ASAP3: variants seen among roughly 807,000 people sequenced by gnomAD.
ASAP3 encodes the protein ArfGAP with SH3 domain, ankyrin repeat and PH domain 3, also known as arf-GAP with SH3 domain, ANK repeat and PH domain-containing protein 3.
A neutral mutation model predicts 118.2 loss-of-function variants in ASAP3; 85 were observed. The observed-to-expected ratio is 0.72, with a 90% CI of 0.60 to 0.86. The LOEUF is 0.86. ASAP3 is among the 40% of genes least tolerant of loss of function. The pLI is 0.00. For synonymous variants in ASAP3, 432 were observed against 477.4 expected (o/e 0.90, Z 1.24); for missense variants, 1,026 against 1,175.0 (o/e 0.87, Z 1.85).
chr1:23,476,722 T>C (rs1315519428), intron 1 of ASAP3, among the ~76,000 whole-genome samples: 1 of 152,232 alleles, frequency 6.6e-6, no homozygotes, highest in Non-Finnish European at 1.5e-5. Flanking sequence ...CACTCTTCCC[T>C]TTGCCCATCT....
At position 23,435,926 on chromosome 1, in the gene ASAP3, C is replaced by T. The variant is rs763372329; in HGVS notation, c.1674G>A (p.Arg558=). ...PQRLWTAICN[R]DLLSVLEAFA... ...AGGCCTCCAGTACCGACAGGAGGTC[C>T]CTGTTGCAAATGGCTGTCCAGAGTC... The change falls in exon 17 of 25, where the codon AGG becomes AGA. Residue 558 remains arginine (R), a synonymous_variant. Transcript: ENST00000336689. The T allele has an allele frequency of 5.6e-6, 9 of 1,614,140 alleles. No homozygotes were observed. The Admixed American group carries it at 1.3e-4, about 24-fold the overall frequency.
chr1:23,432,931 A>T, intron 22 of ASAP3, 146 bp downstream of exon 22: 1 of 798,840 alleles, frequency 1.3e-6, no homozygotes, highest in Non-Finnish European at 1.9e-6. Context: ...CTGTTCTTTT[A>T]TCTGTAAGGG....
chr1:23,449,293 C>T (rs765282993), intron 5 of ASAP3, among the ~76,000 whole-genome samples: 2 of 152,142 alleles, frequency 1.3e-5, no homozygotes, highest in Admixed American at 6.6e-5. Flanking sequence ...TATTCATCGC[C>T]GCATTGACCC....
chr1:23,473,974 C>CTTT (rs10664798), intron 1 of ASAP3, among the ~76,000 whole-genome samples: 2,902 of 72,034 alleles, frequency 0.04, 377 homozygotes, highest in Admixed American at 0.11. Context: ...TAAATCTGCT[C>CTTT]TTTTTTTTTT....
intron 5 of ASAP3, among the ~76,000 whole-genome samples, chr1:23,449,442 A>G (rs975715027): frequency 4.6e-5 from 7 of 152,300 alleles, no homozygotes; most frequent in African/African-American, 1.7e-4. Flanking sequence ...CTCCTCCTAT[A>G]TGAACAGCCA....
At position 23,437,577 on chromosome 1, in the gene ASAP3, C is replaced by T; in HGVS notation, c.1103-105G>A. 2 of 1,401,456 alleles carry T rather than the reference C, an allele frequency of 1.4e-6. No individual in the cohort carries two copies. Among genetic ancestry groups the T allele is most frequent in the Non-Finnish European group, 2.0e-6 (2 of 1,018,070 alleles). 86.8% of individuals were successfully genotyped at this position (1,401,456 alleles called of 1,614,324 possible). On this transcript the variant is annotated intron_variant, in intron 12 of 24. Transcript: ENST00000336689. The surrounding 1 kb of genome is among the most constrained non-coding windows in gnomAD (Gnocchi z 6.1). Reference sequence around the variant, plus strand: ...GCTGGGGCCACATGGAGATGTGTCCCTGACAAGTCGGACTCTCAAGCTAGG... The same window carrying T: ...GCTGGGGCCACATGGAGATGTGTCCTTGACAAGTCGGACTCTCAAGCTAGG...
At position 23,441,691 on chromosome 1, in the gene ASAP3, G is replaced by C; in HGVS notation, c.711C>G (p.Phe237Leu). Reference sequence around the variant, plus strand: ...AGGCCGCCAGCTTCTCGATGAAGGGGAACAGGCTCTGGGCAGCCTTCCAGC... The same window carrying C: ...AGGCCGCCAGCTTCTCGATGAAGGGCAACAGGCTCTGGGCAGCCTTCCAGC... ...QDGWKAAQSLFPFIEKLAASV... is the reference protein window; with the variant it reads ...QDGWKAAQSLLPFIEKLAASV... Residue 237 changes from phenylalanine (F) to leucine (L), a missense_variant, in exon 8 of 25, where the codon TTC (phenylalanine) becomes TTG (leucine). Physicochemically the swap from Phe to Leu is conservative, Grantham distance 22. Coordinates refer to ENST00000336689, the MANE Select transcript of ASAP3 (RefSeq NM_017707.4). 2 of 1,614,168 alleles carry C rather than the reference G, an allele frequency of 1.2e-6. No individual in the cohort carries two copies. The highest frequency in any genetic ancestry group is 1.7e-6 in the Non-Finnish European group (2 of 1,180,036).
chr1:23,436,497 C>T lies in ASAP3; in HGVS notation c.1571+63G>A, dbSNP rs922444592. ...TTCTGATCCAAGACTTTTCTACGACCCTGGACACTGCGGAGGCAGAATCCC... is the reference window on the plus strand; with the variant it reads ...TTCTGATCCAAGACTTTTCTACGACTCTGGACACTGCGGAGGCAGAATCCC... On this transcript the variant is annotated intron_variant, in intron 16 of 24. Coordinates refer to ENST00000336689, the MANE Select transcript of ASAP3 (RefSeq NM_017707.4). This position sits in a 1 kb window ranked among gnomAD's most constrained non-coding sequence, Gnocchi z 4.2. 17 of 1,568,502 alleles carry T rather than the reference C, an allele frequency of 1.1e-5. 1 individual carries two copies. The African/African-American group carries it at 1.8e-4, about 16-fold the overall frequency.
At position 23,431,762 on chromosome 1, in the gene ASAP3, C is replaced by A. The variant is rs760214231; in HGVS notation, c.2480G>T (p.Gly827Val). Residue 827 changes from glycine (G) to valine (V), a missense_variant, in exon 23 of 25, where the codon GGC (glycine) becomes GTC (valine). Physicochemically the swap from Gly to Val is moderately radical, Grantham distance 109. Transcript: ENST00000336689. ...GGATGTCAGGCTGGGTCTGGAGGTGCCTGGGGGCTCTCGGAGGCCCTCTTC... is the reference window on the plus strand; with the variant it reads ...GGATGTCAGGCTGGGTCTGGAGGTGACTGGGGGCTCTCGGAGGCCCTCTTC... ...NSEEGLREPP[G>V]TSRPSLTSGT... 1.3e-6 allele frequency: 2 copies of A among 1,526,702 alleles called. No individual in the cohort carries two copies. Among genetic ancestry groups the A allele is most frequent in the Non-Finnish European group, 1.7e-6 (2 of 1,143,706 alleles). 94.6% of individuals were successfully genotyped at this position (1,526,702 alleles called of 1,614,324 possible).
chr1:23,451,125 T>C lies in ASAP3; in HGVS notation c.473+354A>G, dbSNP rs563756206. ...CTGAGTCCTCCTGTGGTAATTGTGA[T>C]ACTAATACCTCTCTCACACATGACA... On this transcript the variant is annotated intron_variant, in intron 5 of 24. Coordinates refer to ENST00000336689, the MANE Select transcript of ASAP3 (RefSeq NM_017707.4). Among the ~76,000 whole-genome samples the C allele has an allele frequency of 2.0e-5, 3 of 152,352 alleles. No individual in the cohort carries two copies. The East Asian group carries it at 5.8e-4, about 29-fold the overall frequency.
chr1:23,461,068 A>G (rs1220994061), intron 1 of ASAP3, among the ~76,000 whole-genome samples: 1 of 152,202 alleles, frequency 6.6e-6, no homozygotes, highest in Non-Finnish European at 1.5e-5. Context: ...GTGAGGAGGA[A>G]CAGGTGAAGC....
In ASAP3 at chr1:23,436,674, G is replaced by C; in HGVS notation, c.1477-20C>G. 1 of 1,613,954 alleles carries C rather than the reference G, an allele frequency of 6.2e-7. No homozygotes were observed. The highest frequency in any genetic ancestry group is 1.1e-5 in the South Asian group (1 of 91,080). On this transcript the variant is annotated intron_variant, in intron 15 of 24. Transcript: ENST00000336689. The surrounding 1 kb of genome is among the most constrained non-coding windows in gnomAD (Gnocchi z 4.2). ...GGCCAGCTGGAGTCGTAGGAAAATAGACGTGGGGCGGAGTAAGACCGGGCG... is the reference window on the plus strand; with the variant it reads ...GGCCAGCTGGAGTCGTAGGAAAATACACGTGGGGCGGAGTAAGACCGGGCG...
chr1:23,444,747 T>C (rs1640992483), intron 5 of ASAP3, among the ~76,000 whole-genome samples: 1 of 152,136 alleles, frequency 6.6e-6, no homozygotes, highest in Non-Finnish European at 1.5e-5. Flanking sequence ...ACCTCTGGGA[T>C]AGTGTTCATA....
At position 23,451,530 on chromosome 1, in the gene ASAP3, T is replaced by C. The variant is rs935413696; in HGVS notation, c.424-2A>G. On this transcript the variant is annotated splice_acceptor_variant, in intron 4 of 24. Coordinates refer to ENST00000336689, the MANE Select transcript of ASAP3 (RefSeq NM_017707.4). LOFTEE classifies it high-confidence loss of function. The stretch of plus-strand genomic sequence containing the variant: ...CTTCTCCAGCTGTTTTTTGGAATCC[T>C]GTGGGTTAAAAAAGGACAATTTGCC... The C allele has an allele frequency of 2.2e-5, 35 of 1,614,158 alleles. No homozygotes were observed. Among genetic ancestry groups the C allele is most frequent in the Non-Finnish European group, 3.0e-5 (35 of 1,179,968 alleles).
intron 17 of ASAP3, 32 bp from the exon 18 acceptor site, chr1:23,434,650 C>A: frequency 6.2e-7 from 1 of 1,603,036 alleles, no homozygotes; most frequent in Non-Finnish European, 8.5e-7. Context: ...TGAGATTCCC[C>A]CCCCAGTGCA....
chr1:23,472,977 C>T (rs910587807), intron 1 of ASAP3, among the ~76,000 whole-genome samples: 3 of 152,176 alleles, frequency 2.0e-5, no homozygotes, highest in African/African-American at 7.2e-5. Context: ...TTACTGGACT[C>T]TCGCCACAGA....
At position 23,436,694 on chromosome 1, in the gene ASAP3, C is replaced by A. The variant is rs781543624; in HGVS notation, c.1477-40G>T. The A allele has an allele frequency of 1.2e-6, 2 of 1,611,814 alleles. No individual in the cohort carries two copies. The highest frequency in any genetic ancestry group is 3.3e-5 in the Admixed American group (2 of 60,014). On this transcript the variant is annotated intron_variant, in intron 15 of 24. Transcript: ENST00000336689. The surrounding 1 kb of genome is among the most constrained non-coding windows in gnomAD (Gnocchi z 4.2). ...AAATAGACGTGGGGCGGAGTAAGAC[C>A]GGGCGGTTAAGCCTGCATAGGGTGG...
In ASAP3 at chr1:23,441,042, A is replaced by G. The variant is rs1640854334; in HGVS notation, c.944+60T>C. On this transcript the variant is annotated intron_variant, in intron 10 of 24. Coordinates refer to ENST00000336689, the MANE Select transcript of ASAP3 (RefSeq NM_017707.4). ...ACAGTTCCTTTGGGCAGCTTCCCCAACCCTGTCATTTACTTGCAGTGTGAC... is the reference window on the plus strand; with the variant it reads ...ACAGTTCCTTTGGGCAGCTTCCCCAGCCCTGTCATTTACTTGCAGTGTGAC... 3 of 1,500,156 alleles carry G rather than the reference A, an allele frequency of 2.0e-6. No homozygotes were observed. In the South Asian group the frequency reaches 3.4e-5, roughly 17 times the overall value. The allele number at this position is 1,500,156 out of a possible 1,614,324, so 92.9% of individuals were successfully genotyped here.
intron 1 of ASAP3, among the ~76,000 whole-genome samples, chr1:23,481,903 TG>T (rs1303071593): frequency 6.6e-6 from 1 of 152,202 alleles, no homozygotes; most frequent in Non-Finnish European, 1.5e-5. Flanking sequence ...TGAGCTATTC[TG>T]GGTCATGAAA....
Sources: gnomAD v4.1 joint callset for allele counts (sites outside exome capture counted in the v4.1 genomes callset) on GRCh38, gnomAD v4.1.1 for gene constraint, Gnocchi (gnomAD v3.1) non-coding constraint, MANE v1.5 for transcripts, NCBI Gene and HGNC (gene_info 2026-07-23, HGNC 2026-07-21) for gene names.